Variants in GRIK1 observed in about 807,000 individuals in gnomAD.
The protein encoded by GRIK1 is glutamate ionotropic receptor kainate type subunit 1.
In GRIK1, 69 loss-of-function variants were observed where a neutral mutation model predicts 105.7. That is an observed-to-expected ratio of 0.65 (90% CI 0.54 to 0.80). The LOEUF (loss-of-function observed/expected upper bound fraction) is 0.80. Ranked by LOEUF, GRIK1 falls within the 30% of genes least tolerant of loss-of-function variation. The pLI, the probability that GRIK1 is intolerant of heterozygous loss-of-function variation, is 0.00. For missense variants in GRIK1, 1,109 were observed against 1,167.3 expected (o/e 0.95, Z 0.73); for synonymous variants, 438 against 431.3 (o/e 1.02, Z -0.19).
chr21:29,591,596 C>T (rs1039582059), intron 9 of GRIK1, among the ~76,000 whole-genome samples: 3 of 152,102 alleles, frequency 2.0e-5, no homozygotes, highest in African/African-American at 7.2e-5. Context: ...CATCTGAGGA[C>T]ATAACAATGA....
chr21:29,782,380 A>C (rs1360424231), intron 1 of GRIK1, among the ~76,000 whole-genome samples: 1 of 152,102 alleles, frequency 6.6e-6, no homozygotes, highest in African/African-American at 2.4e-5. Context: ...TTTTTCGGTA[A>C]TGTTCCCTTT....
chr21:29,635,350 C>A (rs1056026572), intron 7 of GRIK1, among the ~76,000 whole-genome samples: 1 of 152,106 alleles, frequency 6.6e-6, no homozygotes, highest in Non-Finnish European at 1.5e-5. Context: ...AAAGAGGTCA[C>A]GAGAGTGGTA....
In GRIK1 at chr21:29,875,926, T is replaced by C. The variant is rs369028579; in HGVS notation, c.118+63457A>G. Among the ~76,000 whole-genome samples, 100 of 152,280 alleles carry C rather than the reference T, an allele frequency of 6.6e-4. 1 individual carries two copies. Among genetic ancestry groups the C allele is most frequent in the African/African-American group, 2.3e-3 (94 of 41,558 alleles). On this transcript the variant is annotated intron_variant, in intron 1 of 17. Transcript: ENST00000327783. ...TGGAAAAGCTGGAATATCTGTCTGA[T>C]CTCTCAGCCCTCTAGAAGGTCCAGG...
At chr21:29,844,141 T>C (rs907225815) in intron 1 of GRIK1, among the ~76,000 whole-genome samples, 12 of 152,208 alleles carry the variant, frequency 7.9e-5, no homozygotes, top group African/African-American at 2.9e-4. Context: ...TAGATATCTT[T>C]GTCATTGCAT....
intron 1 of GRIK1, among the ~76,000 whole-genome samples, chr21:29,786,929 C>A (rs967081613): frequency 6.6e-6 from 1 of 152,182 alleles, no homozygotes; most frequent in Non-Finnish European, 1.5e-5. Context: ...AATATCTTCA[C>A]ACTCACACTA....
At chr21:29,609,078 G>T (rs866502529) in intron 7 of GRIK1, among the ~76,000 whole-genome samples, 2 of 148,976 alleles carry the variant, frequency 1.3e-5, no homozygotes, top group Non-Finnish European at 3.0e-5. Context: ...AATAAGATAT[G>T]GTCTTTTAAT....
intron 1 of GRIK1, among the ~76,000 whole-genome samples, chr21:29,805,909 T>C (rs1039863478): frequency 2.6e-5 from 4 of 152,154 alleles, no homozygotes; most frequent in African/African-American, 9.7e-5. Context: ...GCATCATAAA[T>C]CAGCATTTCT....
chr21:29,828,221 G>A (rs1418176691), intron 1 of GRIK1, among the ~76,000 whole-genome samples: 1 of 151,976 alleles, frequency 6.6e-6, no homozygotes, highest in East Asian at 1.9e-4. Context: ...TATTCAAGAG[G>A]AGGGCACTAC....
Position 29,875,034 on chromosome 21 carries a change from G to A in GRIK1, c.118+64349C>T, listed in dbSNP as rs577991238. On this transcript the variant is annotated intron_variant, in intron 1 of 17. Coordinates refer to ENST00000327783, the MANE Select transcript of GRIK1 (RefSeq NM_001330994.2). ...TTTTTTAATATGTGTGTGTGTATGC[G>A]TGTGTATGCAAACATTATTTATTTT... Among the ~76,000 whole-genome samples, 333 of 149,804 alleles carry A rather than the reference G, an allele frequency of 2.2e-3. 3 individuals carry two copies. The highest frequency in any genetic ancestry group is 2.7e-3 in the Admixed American group (41 of 15,038).
chr21:29,811,891 T>C (rs556107957), intron 1 of GRIK1, among the ~76,000 whole-genome samples: 52 of 152,298 alleles, frequency 3.4e-4, no homozygotes, highest in African/African-American at 1.2e-3. Flanking sequence ...CATTCCTCCT[T>C]ACCTGGAAAC....
intron 4 of GRIK1, among the ~76,000 whole-genome samples, chr21:29,663,144 T>C (rs1257417231): frequency 1.3e-5 from 2 of 152,208 alleles, no homozygotes; most frequent in African/African-American, 4.8e-5. Context: ...TGAACCCAGG[T>C]TTGATTTCAA....
chr21:29,838,225 G>A (rs1445123717), intron 1 of GRIK1, among the ~76,000 whole-genome samples: 3 of 152,260 alleles, frequency 2.0e-5, no homozygotes, highest in South Asian at 2.1e-4. Flanking sequence ...AAGCCCATAG[G>A]AGGAGTGCTG....
intron 15 of GRIK1, among the ~76,000 whole-genome samples, chr21:29,561,058 G>C (rs943149794): frequency 3.3e-5 from 5 of 152,198 alleles, no homozygotes; most frequent in African/African-American, 1.2e-4. Context: ...ATTCCTAGGA[G>C]AGCAATAGCA....
chr21:29,899,402 C>T (rs1378030670), intron 1 of GRIK1, among the ~76,000 whole-genome samples: 1 of 152,158 alleles, frequency 6.6e-6, no homozygotes, highest in Non-Finnish European at 1.5e-5. Flanking sequence ...GTCTGACTGG[C>T]CTAATGGATG....
chr21:29,875,371 A>G (rs1414587991), intron 1 of GRIK1, among the ~76,000 whole-genome samples: 1 of 152,170 alleles, frequency 6.6e-6, no homozygotes, highest in Non-Finnish European at 1.5e-5. Flanking sequence ...TATAAGGGAG[A>G]GCTGGATTTT....
intron 1 of GRIK1, among the ~76,000 whole-genome samples, chr21:29,715,588 C>T (rs560167764): frequency 0.043 from 6,496 of 151,368 alleles, 199 homozygotes; most frequent in Non-Finnish European, 0.066. Flanking sequence ...TCGCTTGCCT[C>T]CCCCTAATGC....
At chr21:29,741,009 C>T (rs1434588293) in intron 1 of GRIK1, among the ~76,000 whole-genome samples, 1 of 152,230 alleles carries the variant, frequency 6.6e-6, no homozygotes, top group African/African-American at 2.4e-5. Flanking sequence ...TCTTGTTTCT[C>T]TCAGAAAGCC....
chr21:29,668,315 A>C (rs2063098638), intron 4 of GRIK1, among the ~76,000 whole-genome samples: 1 of 152,212 alleles, frequency 6.6e-6, no homozygotes, highest in African/African-American at 2.4e-5. Flanking sequence ...GAGTGAAGGG[A>C]TATAGAGAAT....
chr21:29,549,636 TAGG>T (rs1263874637), intron 16 of GRIK1, among the ~76,000 whole-genome samples: 1 of 152,000 alleles, frequency 6.6e-6, no homozygotes, highest in Admixed American at 6.6e-5. Flanking sequence ...TACACCAAAG[TAGG>T]AGAACTAATA....
Sources: gnomAD v4.1 joint callset for allele counts (sites outside exome capture counted in the v4.1 genomes callset) on GRCh38, gnomAD v4.1.1 for gene constraint, MANE v1.5 for transcripts, NCBI Gene and HGNC (gene_info 2026-07-23, HGNC 2026-07-21) for gene names.